Variants in CMTM4 observed in about 807,000 individuals in gnomAD.
CMTM4 encodes the protein CKLF like MARVEL transmembrane domain containing 4.
In CMTM4, 8 loss-of-function variants were observed where a neutral mutation model predicts 19.0. The ratio of observed to expected loss-of-function variants is 0.42; its 90% CI spans 0.25 to 0.76. The LOEUF (loss-of-function observed/expected upper bound fraction) is 0.76. CMTM4 is among the 30% of genes least tolerant of loss of function. CMTM4 has a pLI of 0.27. For synonymous variants in CMTM4, 106 were observed against 121.1 expected (o/e 0.88, Z 0.82); for missense variants, 228 against 290.2 (o/e 0.79, Z 1.56).
the CMTM4 span, among the ~76,000 whole-genome samples, chr16:66,601,140 T>A: frequency 6.6e-6 from 1 of 151,968 alleles, no homozygotes; most frequent in African/African-American, 2.4e-5. Flanking sequence ...TGTGTTTATC[T>A]TTGTGGGGAG....
intron 1 of CMTM4, among the ~76,000 whole-genome samples, chr16:66,656,366 T>G (rs1422983127): frequency 1.3e-5 from 2 of 152,072 alleles, no homozygotes; most frequent in Non-Finnish European, 2.9e-5. Context: ...TTGTTGTTGT[T>G]ATTGTTGTTT....
chr16:66,631,185 G>A (rs568473640), intron 2 of CMTM4, among the ~76,000 whole-genome samples: 17 of 143,644 alleles, frequency 1.2e-4, no homozygotes, highest in Middle Eastern at 8.4e-3. Context: ...GCCCCCGCCC[G>A]GCCAGCCGCC....
intron 1 of CMTM4, among the ~76,000 whole-genome samples, chr16:66,638,348 G>A (rs570157560): frequency 4.6e-5 from 7 of 152,286 alleles, no homozygotes; most frequent in Middle Eastern, 3.4e-3. Context: ...GTCTTCAGGC[G>A]AATGGAAGAG....
rs1004146719 is a variant in CMTM4, at chr16:66,617,269, G to T, written c.*4789C>A. On this transcript the variant is annotated 3_prime_UTR_variant, in exon 4 of 4. Coordinates refer to ENST00000394106, the MANE Select transcript of CMTM4 (RefSeq NM_181521.3). ...TACACAGTTCAAGGACCCATCATCTGAACTTTTCTAGGCAAGTTGCCAGTG... is the reference window on the plus strand; with the variant it reads ...TACACAGTTCAAGGACCCATCATCTTAACTTTTCTAGGCAAGTTGCCAGTG... 1 of 1,613,634 alleles carries T rather than the reference G, an allele frequency of 6.2e-7. No homozygotes were observed. The highest frequency in any genetic ancestry group is 2.2e-5 in the East Asian group (1 of 44,888).
chr16:66,670,783 A>G (rs2016690571), intron 1 of CMTM4, among the ~76,000 whole-genome samples: 1 of 152,038 alleles, frequency 6.6e-6, no homozygotes. Flanking sequence ...CTGGCAACAG[A>G]GCAAGACTCC....
At chr16:66,658,603 A>T (rs1328652111) in intron 1 of CMTM4, among the ~76,000 whole-genome samples, 1 of 152,092 alleles carries the variant, frequency 6.6e-6, no homozygotes, top group East Asian at 1.9e-4. Context: ...GGGCTCTAGG[A>T]CAAGATTTCT....
downstream of CMTM4, chr16:66,610,056 C>A: frequency 1.2e-6 from 2 of 1,600,428 alleles, no homozygotes; most frequent in East Asian, 2.2e-5. This position sits in a 1 kb window ranked among gnomAD's most constrained non-coding sequence, Gnocchi z 4.6. Context: ...GCCTGCCCTC[C>A]CTCGGGGATG....
chr16:66,640,610 G>A (rs1426623618), intron 1 of CMTM4, among the ~76,000 whole-genome samples: 3 of 152,176 alleles, frequency 2.0e-5, no homozygotes, highest in Admixed American at 6.5e-5. Context: ...GCTACTTTGC[G>A]GAGAACAGAC....
intron 2 of CMTM4, among the ~76,000 whole-genome samples, chr16:66,627,979 C>CA (rs1295244828): frequency 5.9e-5 from 9 of 151,510 alleles, no homozygotes; most frequent in Admixed American, 2.6e-4. Flanking sequence ...AGAAGGTCAG[C>CA]AAAAAAAACA....
the CMTM4 span, among the ~76,000 whole-genome samples, chr16:66,601,252 G>A: frequency 6.6e-6 from 1 of 152,170 alleles, no homozygotes; most frequent in Non-Finnish European, 1.5e-5. Flanking sequence ...CATCCAGGAA[G>A]AATGAGGTAC....
At chr16:66,599,925 T>G in the CMTM4 span, among the ~76,000 whole-genome samples, 1 of 152,242 alleles carries the variant, frequency 6.6e-6, no homozygotes, top group African/African-American at 2.4e-5. Flanking sequence ...TCAGTAGACA[T>G]GCAGTAGTAT....
chr16:66,624,393 G>A (rs1224382121), intron 2 of CMTM4, among the ~76,000 whole-genome samples: 1 of 152,248 alleles, frequency 6.6e-6, no homozygotes, highest in African/African-American at 2.4e-5. Flanking sequence ...CAAACTGCCT[G>A]AGTGCCAGGC....
chr16:66,638,283 G>A (rs987502423), intron 1 of CMTM4, among the ~76,000 whole-genome samples: 1 of 152,274 alleles, frequency 6.6e-6, no homozygotes, highest in East Asian at 1.9e-4. Context: ...GGCAGATGGG[G>A]GCTGAATGAG....
intron 1 of CMTM4, among the ~76,000 whole-genome samples, chr16:66,645,605 C>T (rs2016179427): frequency 6.6e-6 from 1 of 151,670 alleles, no homozygotes; most frequent in Admixed American, 6.6e-5. Context: ...TAACTGTGCA[C>T]ACCTTTAGAC....
the CMTM4 span, chr16:66,609,465 A>G: frequency 6.2e-7 from 1 of 1,613,056 alleles, no homozygotes; most frequent in Non-Finnish European, 8.5e-7. The surrounding 1 kb of genome is among the most constrained non-coding windows in gnomAD (Gnocchi z 4.4). Context: ...CGCGGCCCTC[A>G]TCTACTTTGC....
chr16:66,599,112 T>A, the CMTM4 span, among the ~76,000 whole-genome samples: 2 of 151,378 alleles, frequency 1.3e-5, no homozygotes, highest in East Asian at 3.9e-4. Flanking sequence ...AAACCCTGCC[T>A]CTACTAAAAT....
At chr16:66,636,101 T>G (rs900459513) in intron 2 of CMTM4, among the ~76,000 whole-genome samples, 1 of 152,242 alleles carries the variant, frequency 6.6e-6, no homozygotes, top group African/African-American at 2.4e-5. Flanking sequence ...ACACTGTATT[T>G]TATTTCCCAT....
At chr16:66,638,859 CA>C (rs543697662) in intron 1 of CMTM4, among the ~76,000 whole-genome samples, 2 of 140,794 alleles carry the variant, frequency 1.4e-5, no homozygotes, top group Non-Finnish European at 3.1e-5. Context: ...GACTCCATCT[CA>C]AAAAAAACAA....
intron 1 of CMTM4, among the ~76,000 whole-genome samples, chr16:66,665,526 C>A (rs1317153691): frequency 1.3e-5 from 2 of 152,070 alleles, no homozygotes; most frequent in Admixed American, 6.6e-5. Context: ...AGGCAGATCA[C>A]CTGAAGTCAG....
Sources: allele counts gnomAD v4.1 joint callset (sites outside exome capture counted in the v4.1 genomes callset), GRCh38; gene constraint gnomAD v4.1.1; non-coding constraint Gnocchi (gnomAD v3.1); transcripts MANE v1.5; gene names NCBI Gene and HGNC (gene_info 2026-07-23, HGNC 2026-07-21).